The following FBLN7 variants were observed in gnomAD, a reference collection of about 807,000 sequenced individuals.
FBLN7 encodes the protein fibulin 7, also known as fibulin-7.
Under a neutral mutation model 44.0 loss-of-function variants are expected in FBLN7, and 31 were observed. The ratio of observed to expected loss-of-function variants is 0.70; its 90% CI spans 0.53 to 0.95. The LOEUF (loss-of-function observed/expected upper bound fraction) is 0.95. FBLN7 is among the 40% of genes least tolerant of loss of function. The pLI, the probability that FBLN7 is intolerant of heterozygous loss-of-function variation, is 0.00. For synonymous variants in FBLN7, 262 were observed against 253.4 expected, an observed-to-expected ratio of 1.03 and a Z score of -0.32; for missense variants, 573 against 618.5, an observed-to-expected ratio of 0.93 and a Z score of 0.78.
chr2:112,223,267 GAAAA>G, the FBLN7 span, among the ~76,000 whole-genome samples: 1 of 148,898 alleles, frequency 6.7e-6, no homozygotes, highest in South Asian at 2.1e-4. Flanking sequence ...TTTAAAAAAA[GAAAA>G]AAAAAGTAAA....
chr2:112,186,995 A>G (rs1683298111), intron 7 of FBLN7, 139 bp from the exon 8 acceptor site: 1 of 1,002,932 alleles, frequency 1.0e-6, no homozygotes, highest in Admixed American at 2.7e-5. Context: ...ACAGCTCCAT[A>G]GCTCCTGGGT....
At chr2:112,201,428 C>G in the FBLN7 span, among the ~76,000 whole-genome samples, 1 of 152,014 alleles carries the variant, frequency 6.6e-6, no homozygotes, top group Non-Finnish European at 1.5e-5. Context: ...CGCATTTGTT[C>G]CAGGGTACCC....
Position 112,175,714 on chromosome 2 carries a change from G to C in FBLN7, c.407G>C (p.Gly136Ala). The change falls in exon 4 of 8, where the codon GGT (glycine) becomes GCT (alanine). Residue 136 changes from glycine (G) to alanine (A), a missense_variant and splice_region_variant. By Grantham distance (60) the Gly-to-Ala change is moderately conservative (BLOSUM62 0). Transcript: ENST00000331203. ...TWTGEQPHCR[G>A]ISECSSQPCQ... is the part of the protein sequence containing the mutation. ...ATTTGAAAATTATTTATCTTCCTAG[G>C]TATCAGTGAATGCTCCAGCCAGCCT... 1 of 1,614,098 alleles carries C rather than the reference G, an allele frequency of 6.2e-7. No homozygotes were observed. The highest frequency in any genetic ancestry group is 8.5e-7 in the Non-Finnish European group (1 of 1,180,006).
At chr2:112,160,263 G>C (rs189108917) in intron 2 of FBLN7, among the ~76,000 whole-genome samples, 1 of 152,032 alleles carries the variant, frequency 6.6e-6, no homozygotes, top group Non-Finnish European at 1.5e-5. Flanking sequence ...GTGCTGGGAT[G>C]ACAGGCGTGG....
the FBLN7 span, chr2:112,211,614 A>T: frequency 2.0e-5 from 3 of 152,258 alleles, no homozygotes; most frequent in Non-Finnish European, 4.4e-5. Context: ...AATCAATAAG[A>T]TTCACCATTT....
chr2:112,208,290 A>G, the FBLN7 span, among the ~76,000 whole-genome samples: 20 of 152,284 alleles, frequency 1.3e-4, 1 homozygote, highest in African/African-American at 4.8e-4. Context: ...AATCCCAGCT[A>G]CTCGGGAGGC....
At chr2:112,186,056 C>G (rs1683252705) in intron 7 of FBLN7, among the ~76,000 whole-genome samples, 1 of 152,020 alleles carries the variant, frequency 6.6e-6, no homozygotes, top group Non-Finnish European at 1.5e-5. Context: ...AGATTAGAAG[C>G]AGCAAGAAAC....
chr2:112,208,922 G>T, the FBLN7 span, among the ~76,000 whole-genome samples: 6 of 152,056 alleles, frequency 3.9e-5, no homozygotes, highest in Non-Finnish European at 7.4e-5. Flanking sequence ...TGAATGAATG[G>T]CTGATTTCAG....
the FBLN7 span, chr2:112,215,883 G>T: frequency 6.6e-6 from 1 of 152,124 alleles, no homozygotes; most frequent in Non-Finnish European, 1.5e-5. Flanking sequence ...TATAGTAAGA[G>T]ATATTGTTTC....
At chr2:112,220,427 T>C in the FBLN7 span, among the ~76,000 whole-genome samples, 1 of 152,216 alleles carries the variant, frequency 6.6e-6, no homozygotes, top group East Asian at 1.9e-4. Flanking sequence ...TGGCTGGATA[T>C]AAAATTCTTG....
chr2:112,207,158 A>T, the FBLN7 span, among the ~76,000 whole-genome samples: 18 of 152,212 alleles, frequency 1.2e-4, no homozygotes, highest in Non-Finnish European at 2.5e-4. Context: ...TCAATGCTCC[A>T]TGAGCACTTG....
At chr2:112,169,307 A>G (rs1682330757) in intron 3 of FBLN7, among the ~76,000 whole-genome samples, 2 of 152,044 alleles carry the variant, frequency 1.3e-5, no homozygotes, top group African/African-American at 4.8e-5. Flanking sequence ...CAAACAAAAC[A>G]AAACAAAAAA....
chr2:112,191,300 T>C (rs1558902542), downstream of FBLN7, among the ~76,000 whole-genome samples: 1 of 152,088 alleles, frequency 6.6e-6, no homozygotes, highest in Non-Finnish European at 1.5e-5. Flanking sequence ...CTCAGCCTCC[T>C]GAGTAGCTGG....
chr2:112,243,681 T>G, the FBLN7 span, among the ~76,000 whole-genome samples: 1 of 152,206 alleles, frequency 6.6e-6, no homozygotes, highest in Non-Finnish European at 1.5e-5. Flanking sequence ...ACTTGTTTTC[T>G]CTCCTTCATT....
At position 112,187,843 on chromosome 2, in the gene FBLN7, A is replaced by G. The variant is rs892683736; in HGVS notation, c.*337A>G. 4.5e-6 allele frequency: 2 copies of G among 443,996 alleles called. No homozygotes were observed. The highest frequency in any genetic ancestry group is 7.9e-6 in the Non-Finnish European group (2 of 251,806). 27.5% of individuals were successfully genotyped at this position (443,996 alleles called of 1,614,324 possible). A position where few individuals can be genotyped will look rare whatever the true frequency, so the allele number is the denominator to read the frequency against. On this transcript the variant is annotated 3_prime_UTR_variant, in exon 8 of 8. Transcript: ENST00000331203. The surrounding 1 kb of genome is among the most constrained non-coding windows in gnomAD (Gnocchi z 5.1). ...TGAGTTTGAACTAGCTGGGGAGAGA[A>G]AAGGTGGCAATGTGTGTCAGGTGAC...
intron 1 of FBLN7, among the ~76,000 whole-genome samples, chr2:112,159,081 C>A (rs1029106745): frequency 6.6e-6 from 1 of 151,974 alleles, no homozygotes; most frequent in African/African-American, 2.4e-5. Context: ...AGTTAGGTAG[C>A]CTTTATCATG....
chr2:112,215,265 A>C, the FBLN7 span: 1 of 152,188 alleles, frequency 6.6e-6, no homozygotes, highest in Non-Finnish European at 1.5e-5. Context: ...TTAAATAAGA[A>C]GTGCCTTGCC....
In FBLN7 at chr2:112,181,882, C is replaced by T; in HGVS notation, c.670+6C>T. 1 of 1,533,728 alleles carries T rather than the reference C, an allele frequency of 6.5e-7. No individual in the cohort carries two copies. The highest frequency in any genetic ancestry group is 2.4e-5 in the East Asian group (1 of 40,844). ...CGGCGACAGCGTCTGCCAGGGTAGG[C>T]GCGGGCTCCGCCAGGACACTGGGGA... On this transcript the variant is annotated splice_donor_region_variant and intron_variant, in intron 5 of 7. Coordinates refer to ENST00000331203, the MANE Select transcript of FBLN7 (RefSeq NM_153214.3).
At chr2:112,203,783 T>A in the FBLN7 span, among the ~76,000 whole-genome samples, 1 of 152,138 alleles carries the variant, frequency 6.6e-6, no homozygotes. Context: ...AAAAGGCACT[T>A]CTTACATGGC....
Sources: allele counts gnomAD v4.1 joint callset (sites outside exome capture counted in the v4.1 genomes callset), GRCh38; gene constraint gnomAD v4.1.1; non-coding constraint Gnocchi (gnomAD v3.1); transcripts MANE v1.5; gene names NCBI Gene and HGNC (gene_info 2026-07-23, HGNC 2026-07-21).